FNDC3A: variants seen among roughly 807,000 people sequenced by gnomAD.
FNDC3A encodes the protein fibronectin type III domain containing 3A, also known as fibronectin type-III domain-containing protein 3A.
FNDC3A carries 32 observed loss-of-function variants against 148.9 expected under a neutral mutation model. The observed-to-expected ratio is 0.21, with a 90% CI of 0.16 to 0.29. The LOEUF (loss-of-function observed/expected upper bound fraction) is 0.29. FNDC3A is among the 10% of genes least tolerant of loss of function. The probability of loss-of-function intolerance (pLI) is 1.00; values close to 1 mark genes in which losing one functional copy is unlikely to be tolerated. For synonymous variants in FNDC3A, 472 were observed against 473.6 expected (o/e 1.00, Z 0.04); for missense variants, 1,191 against 1,452.8 (o/e 0.82, Z 2.93).
rs1345306642 is a variant in FNDC3A, at chr13:49,194,543, G to T, written c.2227-2334G>T. ...GTTTCCTATAGCTACAGGTTTGTTT[G>T]TTTTTTTTCATTGCTTCTAACAGGA... is the stretch of plus-strand genomic sequence containing the variant. On this transcript the variant is annotated intron_variant, in intron 19 of 25. Transcript: ENST00000492622. Among the ~76,000 whole-genome samples, 9 of 151,682 alleles carry T rather than the reference G, an allele frequency of 5.9e-5. No individual in the cohort carries two copies. In the East Asian group the frequency reaches 1.6e-3, roughly 26 times the overall value.
rs950475275 is a variant in FNDC3A at position 49,187,903 on chromosome 13, T to C, written c.1826-612T>C. Among the ~76,000 whole-genome samples, 6 of 152,216 alleles carry C rather than the reference T, an allele frequency of 3.9e-5. No individual in the cohort carries two copies. The South Asian group carries it at 8.3e-4, about 21-fold the overall frequency. On this transcript the variant is annotated intron_variant, in intron 16 of 25. Transcript: ENST00000492622. ...TACATGTTCTTTTTGTTCTCATTTA[T>C]TTACATTGCTCAGCCTCTATACACC... is the stretch of plus-strand genomic sequence containing the variant.
intron 1 of FNDC3A, among the ~76,000 whole-genome samples, chr13:48,988,386 T>C (rs1951845608): frequency 6.6e-6 from 1 of 152,174 alleles, no homozygotes; most frequent in African/African-American, 2.4e-5. Flanking sequence ...CAAGCCAAAT[T>C]GGAATGTTCA....
At chr13:49,028,217 A>C (rs1171779942) in intron 2 of FNDC3A, among the ~76,000 whole-genome samples, 3 of 151,954 alleles carry the variant, frequency 2.0e-5, no homozygotes, top group African/African-American at 2.4e-5. Flanking sequence ...TCTGTCTTAA[A>C]AAAAAAAAAA....
intron 14 of FNDC3A, among the ~76,000 whole-genome samples, 166 bp downstream of exon 14, chr13:49,178,820 C>G (rs919205964): frequency 6.6e-6 from 1 of 152,102 alleles, no homozygotes; most frequent in Middle Eastern, 3.2e-3. Context: ...GCAGCCACAA[C>G]CTCCTGGGCT....
In FNDC3A at chr13:49,188,590, A is replaced by G. The variant is rs766067423; in HGVS notation, c.1901A>G (p.Tyr634Cys). ...LCDRLNPGCFYRLRVYCISDG... is the reference protein window; with the variant it reads ...LCDRLNPGCFCRLRVYCISDG... ...GATCGACTGAATCCAGGCTGTTTCTATCGTTTACGAGTTTACTGCATCAGT... is the reference window on the plus strand; with the variant it reads ...GATCGACTGAATCCAGGCTGTTTCTGTCGTTTACGAGTTTACTGCATCAGT... Residue 634 changes from tyrosine to cysteine, a missense_variant, in exon 17 of 26, where the codon TAT (tyrosine) becomes TGT (cysteine). Coordinates refer to ENST00000492622, the MANE Select transcript of FNDC3A (RefSeq NM_001079673.2). The G allele has an allele frequency of 5.0e-6, 8 of 1,613,794 alleles. No individual in the cohort carries two copies. The highest frequency in any genetic ancestry group is 2.7e-5 in the African/African-American group (2 of 75,060).
At chr13:49,147,016 A>G (rs1883034353) in intron 8 of FNDC3A, among the ~76,000 whole-genome samples, 1 of 152,174 alleles carries the variant, frequency 6.6e-6, no homozygotes, top group South Asian at 2.1e-4. Context: ...CATAGCTGGC[A>G]AGGAGAAGAA....
chr13:49,117,248 C>T (rs1051662530), intron 4 of FNDC3A, among the ~76,000 whole-genome samples: 22 of 152,164 alleles, frequency 1.4e-4, no homozygotes, highest in Admixed American at 7.2e-4. Flanking sequence ...AGCCTGTAGC[C>T]GGCTTGTACA....
chr13:49,106,422 C>T (rs1218788719), intron 3 of FNDC3A, among the ~76,000 whole-genome samples: 1 of 152,132 alleles, frequency 6.6e-6, no homozygotes, highest in Non-Finnish European at 1.5e-5. Flanking sequence ...AAGCAAGATT[C>T]CCGCCTCAGC....
At chr13:49,155,418 T>C (rs1419373359) in intron 8 of FNDC3A, among the ~76,000 whole-genome samples, 2 of 151,236 alleles carry the variant, frequency 1.3e-5, no homozygotes, top group Non-Finnish European at 2.9e-5. Context: ...CTTTTTTTCT[T>C]TATTAGTCTT....
chr13:49,070,643 A>G (rs1877592036), intron 2 of FNDC3A, among the ~76,000 whole-genome samples: 1 of 152,168 alleles, frequency 6.6e-6, no homozygotes, highest in South Asian at 2.1e-4. Flanking sequence ...ACTATCAAAT[A>G]CTAGAACGTA....
intron 2 of FNDC3A, among the ~76,000 whole-genome samples, chr13:49,029,404 A>T (rs1430091526): frequency 6.6e-6 from 1 of 152,222 alleles, no homozygotes; most frequent in Non-Finnish European, 1.5e-5. Context: ...ACTAAAATTT[A>T]TGAAATACTG....
At chr13:48,999,705 T>C (rs980810187) in intron 1 of FNDC3A, among the ~76,000 whole-genome samples, 2 of 152,186 alleles carry the variant, frequency 1.3e-5, no homozygotes, top group African/African-American at 2.4e-5. Context: ...CTTTGGGAGA[T>C]AGTTACTGAA....
chr13:49,048,513 T>C (rs2137705679), intron 2 of FNDC3A, among the ~76,000 whole-genome samples: 1 of 152,266 alleles, frequency 6.6e-6, no homozygotes, highest in East Asian at 1.9e-4. Flanking sequence ...TTTTATAGCT[T>C]TTCTTGTAGA....
At chr13:49,188,863 CAA>C (rs1336418129) in intron 17 of FNDC3A, among the ~76,000 whole-genome samples, 1 of 152,112 alleles carries the variant, frequency 6.6e-6, no homozygotes, top group Non-Finnish European at 1.5e-5. Context: ...TTTGGAAAAA[CAA>C]ATACATGAAA....
At chr13:49,066,464 C>T (rs935345089) in intron 2 of FNDC3A, among the ~76,000 whole-genome samples, 7 of 152,196 alleles carry the variant, frequency 4.6e-5, no homozygotes, top group Non-Finnish European at 7.3e-5. Context: ...GCTTCACTTA[C>T]TGCTGCTTAC....
intron 2 of FNDC3A, among the ~76,000 whole-genome samples, chr13:49,010,856 TG>T (rs1332421636): frequency 6.6e-6 from 1 of 152,262 alleles, no homozygotes; most frequent in Non-Finnish European, 1.5e-5. Context: ...ACAACAATAC[TG>T]TAGTTTTGCC....
At chr13:49,058,994 G>C (rs556719341) in intron 2 of FNDC3A, among the ~76,000 whole-genome samples, 9 of 152,248 alleles carry the variant, frequency 5.9e-5, no homozygotes, top group African/African-American at 1.9e-4. Context: ...CCCCTTAACA[G>C]GACCAGAGGT....
At chr13:49,041,323 C>T (rs924664854) in intron 2 of FNDC3A, among the ~76,000 whole-genome samples, 1 of 152,170 alleles carries the variant, frequency 6.6e-6, no homozygotes, top group Non-Finnish European at 1.5e-5. Flanking sequence ...AACTTGAATC[C>T]TATGACTCTT....
intron 8 of FNDC3A, chr13:49,146,270 T>C (rs1882989171): frequency 5.1e-6 from 1 of 197,386 alleles, no homozygotes; most frequent in South Asian, 1.1e-4. Flanking sequence ...CAATTCATGA[T>C]TGTAAACTCA....
Sources: gnomAD v4.1 joint callset for allele counts (sites outside exome capture counted in the v4.1 genomes callset) on GRCh38, gnomAD v4.1.1 for gene constraint, MANE v1.5 for transcripts, NCBI Gene and HGNC (gene_info 2026-07-23, HGNC 2026-07-21) for gene names.